The following GRID1 variants were observed in gnomAD, a reference collection of about 807,000 sequenced individuals.
The protein encoded by GRID1 is glutamate receptor ionotropic, delta-1.
A neutral mutation model predicts 98.0 loss-of-function variants in GRID1; 28 were observed. The observed-to-expected ratio is 0.29, with a 90% CI of 0.21 to 0.39. The LOEUF (loss-of-function observed/expected upper bound fraction) is 0.39, where lower values mean the gene tolerates loss of function less well. Among genes scored for constraint, GRID1 ranks in the 10% least tolerant of loss-of-function variants. The pLI is 1.00. For synonymous variants in GRID1, 553 were observed against 538.5 expected, an observed-to-expected ratio of 1.03 and a Z score of -0.37; for missense variants, 1,111 against 1,340.5, an observed-to-expected ratio of 0.83 and a Z score of 2.67.
chr10:85,626,887 G>A (rs1292940596), intron 13 of GRID1, among the ~76,000 whole-genome samples: 2 of 152,188 alleles, frequency 1.3e-5, no homozygotes, highest in African/African-American at 2.4e-5. Context: ...TGGCAATTTG[G>A]TGGGGAGAAT....
chr10:85,720,953 G>A (rs1378920306), intron 12 of GRID1, among the ~76,000 whole-genome samples: 1 of 152,120 alleles, frequency 6.6e-6, no homozygotes, highest in African/African-American at 2.4e-5. Context: ...TTTGCTGACC[G>A]CATATCTGAC....
chr10:85,949,992 G>C (rs1842099542), intron 4 of GRID1, among the ~76,000 whole-genome samples: 1 of 152,152 alleles, frequency 6.6e-6, no homozygotes, highest in African/African-American at 2.4e-5. Flanking sequence ...GGATAGATGG[G>C]TGACTGGATG....
intron 2 of GRID1, among the ~76,000 whole-genome samples, chr10:86,248,754 G>A (rs1846774264): frequency 6.6e-6 from 1 of 151,916 alleles, no homozygotes; most frequent in African/African-American, 2.4e-5. Flanking sequence ...TGTATTTTTT[G>A]TAGACATGGA....
At chr10:85,710,208 T>C (rs1330886435) in intron 12 of GRID1, among the ~76,000 whole-genome samples, 2 of 152,190 alleles carry the variant, frequency 1.3e-5, no homozygotes, top group African/African-American at 4.8e-5. Context: ...TCACATTTTA[T>C]GATTTCCAAA....
intron 2 of GRID1, among the ~76,000 whole-genome samples, chr10:86,298,950 C>T (rs570101311): frequency 3.9e-5 from 6 of 152,028 alleles, no homozygotes; most frequent in South Asian, 4.1e-4. Flanking sequence ...GACAGCATCC[C>T]GTCTTCCAGA....
chr10:85,782,413 A>G (rs1318758551), intron 8 of GRID1, among the ~76,000 whole-genome samples: 1 of 152,234 alleles, frequency 6.6e-6, no homozygotes, highest in Non-Finnish European at 1.5e-5. Context: ...ATGTTTATTG[A>G]GCATGCCAGG....
intron 2 of GRID1, among the ~76,000 whole-genome samples, chr10:86,322,195 ACT>A (rs1261128437): frequency 6.6e-6 from 1 of 152,114 alleles, no homozygotes; most frequent in African/African-American, 2.4e-5. Flanking sequence ...TGAAACAGGA[ACT>A]CTCCCAGATG....
chr10:85,819,946 G>GGAGGAAGGGA (rs1416288197), intron 8 of GRID1, among the ~76,000 whole-genome samples: 9 of 147,688 alleles, frequency 6.1e-5, no homozygotes, highest in South Asian at 2.2e-4. Flanking sequence ...AGAGAGGGAG[G>GGAGGAAGGGA]GAGGAAGGGA....
chr10:86,059,574 C>G (rs1426641351), intron 4 of GRID1, among the ~76,000 whole-genome samples: 1 of 152,230 alleles, frequency 6.6e-6, no homozygotes, highest in Non-Finnish European at 1.5e-5. Context: ...TCCTGACAAA[C>G]TCTCCTGTTA....
intron 4 of GRID1, among the ~76,000 whole-genome samples, chr10:85,996,049 G>C (rs1842735716): frequency 6.6e-6 from 1 of 152,216 alleles, no homozygotes; most frequent in South Asian, 2.1e-4. Flanking sequence ...AGCTGACATT[G>C]GTAACAGCCC....
At chr10:85,844,555 G>A (rs574506588) in intron 8 of GRID1, among the ~76,000 whole-genome samples, 5 of 151,600 alleles carry the variant, frequency 3.3e-5, no homozygotes, top group South Asian at 4.2e-4. Context: ...TAACAGTATC[G>A]CAAGATGTTA....
chr10:86,284,883 G>A (rs1207793317), intron 2 of GRID1, among the ~76,000 whole-genome samples: 9 of 152,182 alleles, frequency 5.9e-5, no homozygotes, highest in Admixed American at 5.2e-4. Context: ...TGGCCACTCA[G>A]GTCTGGCTCT....
intron 12 of GRID1, among the ~76,000 whole-genome samples, chr10:85,667,156 G>A (rs1841028686): frequency 1.3e-5 from 2 of 152,174 alleles, no homozygotes; most frequent in Admixed American, 1.3e-4. Flanking sequence ...TGACGTGACT[G>A]TCTCCAGTGT....
intron 2 of GRID1, among the ~76,000 whole-genome samples, chr10:86,253,633 A>T (rs1487155856): frequency 2.6e-5 from 4 of 152,132 alleles, no homozygotes; most frequent in South Asian, 4.1e-4. Flanking sequence ...ACACTGCAGC[A>T]TGGGAGGACA....
intron 12 of GRID1, among the ~76,000 whole-genome samples, chr10:85,672,196 A>G (rs553422098): frequency 6.6e-6 from 1 of 152,386 alleles, no homozygotes; most frequent in South Asian, 2.1e-4. Context: ...AGCTTTGAAG[A>G]GCAGGTTGAT....
Position 85,724,434 on chromosome 10 carries a change from C to G in GRID1, c.1776G>C (p.Gln592His). ...VLNRIQAVRA[Q>H]SAAQPRPSAS... ...CTGACGGCCTGGGCTGGGCAGCACT[C>G]TGAGCCCTCACAGCCTGTATCCTGT... Residue 592 changes from glutamine (Q) to histidine (H), a missense_variant, in exon 11 of 16, where the codon CAG becomes CAC. Transcript: ENST00000327946. 1 of 1,614,150 alleles carries G rather than the reference C, an allele frequency of 6.2e-7. No individual in the cohort carries two copies. The highest frequency in any genetic ancestry group is 8.5e-7 in the Non-Finnish European group (1 of 1,180,016).
chr10:85,697,554 A>C (rs1329453547), intron 12 of GRID1, among the ~76,000 whole-genome samples: 1 of 152,166 alleles, frequency 6.6e-6, no homozygotes, highest in Admixed American at 6.5e-5. Context: ...AGTTATTAAT[A>C]ATGAGAAGAC....
chr10:85,957,992 C>T (rs1842216612), intron 4 of GRID1, among the ~76,000 whole-genome samples: 1 of 152,138 alleles, frequency 6.6e-6, no homozygotes, highest in South Asian at 2.1e-4. Context: ...CGTGAAACTC[C>T]CCCTAAGGGA....
At position 85,868,903 on chromosome 10, in the gene GRID1, G is replaced by A. The variant is rs1310784531; in HGVS notation, c.951+107C>T. ...AATTTCAACAAATGACAGAGCTCTAGTAATTGAAGTTGGTGGCAATAGGAG... is the reference window on the plus strand; with the variant it reads ...AATTTCAACAAATGACAGAGCTCTAATAATTGAAGTTGGTGGCAATAGGAG... On this transcript the variant is annotated intron_variant, in intron 6 of 15. Coordinates refer to ENST00000327946, the MANE Select transcript of GRID1 (RefSeq NM_017551.3). The A allele has an allele frequency of 4.7e-6, 4 of 855,498 alleles. No homozygotes were observed. In the African/African-American group the frequency reaches 5.0e-5, roughly 11 times the overall value. 53.0% of individuals were successfully genotyped at this position (855,498 alleles called of 1,614,324 possible). A position where few individuals can be genotyped will look rare whatever the true frequency, so the allele number is the denominator to read the frequency against.
Sources: gnomAD v4.1 joint callset for allele counts (sites outside exome capture counted in the v4.1 genomes callset) on GRCh38, gnomAD v4.1.1 for gene constraint, MANE v1.5 for transcripts, NCBI Gene and HGNC (gene_info 2026-07-23, HGNC 2026-07-21) for gene names.